Variants in CACNB2 observed in about 807,000 individuals in gnomAD.
The protein encoded by CACNB2 is calcium voltage-gated channel auxiliary subunit beta 2, also known as voltage-dependent L-type calcium channel subunit beta-2.
In CACNB2, 42 loss-of-function variants were observed where a neutral mutation model predicts 73.3. That is an observed-to-expected ratio of 0.57 (90% CI 0.45 to 0.74). The LOEUF (loss-of-function observed/expected upper bound fraction) is 0.74, where lower values mean the gene tolerates loss of function less well. Among genes scored for constraint, CACNB2 ranks in the 30% least tolerant of loss-of-function variants. The probability of loss-of-function intolerance (pLI) is 0.00; values close to 1 mark genes in which losing one functional copy is unlikely to be tolerated. For missense variants in CACNB2, 940 were observed against 853.0 expected (o/e 1.10, Z -1.27); for synonymous variants, 348 against 310.3 (o/e 1.12, Z -1.28).
In CACNB2 at chr10:18,398,714, C is replaced by CAA. The variant is rs1554809735; in HGVS notation, c.214-3209_214-3208dup. 6.9e-3 allele frequency among the ~76,000 whole-genome samples: 1,030 copies of CAA among 149,110 alleles called. 69 individuals carry two copies. The highest frequency in any genetic ancestry group is 0.042 in the East Asian group (206 of 4,856). On this transcript the variant is annotated intron_variant, in intron 2 of 13. Transcript: ENST00000324631. Reference sequence around the variant, plus strand: ...ACATACACACACACACACACACACACAATTGTTTTTGTGTGAAAGTATATA... The same window carrying CAA: ...ACATACACACACACACACACACACACAAAATTGTTTTTGTGTGAAAGTATATA...
At chr10:18,198,143 T>C (rs897983640) in intron 2 of CACNB2, among the ~76,000 whole-genome samples, 2 of 148,424 alleles carry the variant, frequency 1.3e-5, no homozygotes, top group East Asian at 3.9e-4. Context: ...TAATATATAT[T>C]ACATATCACA....
At chr10:18,493,474 T>G (rs906273969) in intron 3 of CACNB2, among the ~76,000 whole-genome samples, 1 of 152,168 alleles carries the variant, frequency 6.6e-6, no homozygotes. Flanking sequence ...CCAAGTACAC[T>G]GTTTTATATC....
intron 3 of CACNB2, among the ~76,000 whole-genome samples, chr10:18,421,228 ATT>A (rs11333043): frequency 2.0e-5 from 3 of 150,310 alleles, no homozygotes; most frequent in East Asian, 2.0e-4. Context: ...TGAAATACAT[ATT>A]TTTTTTTTTT....
Position 18,370,245 on chromosome 10 carries a change from C to T in CACNB2, c.214-31679C>T, listed in dbSNP as rs371097682. Among the ~76,000 whole-genome samples, 12 of 152,248 alleles carry T rather than the reference C, an allele frequency of 7.9e-5. No individual in the cohort carries two copies. The East Asian group carries it at 9.7e-4, about 12-fold the overall frequency. ...AATGTGCTCCCTGCACCAGGAGTGCCGGCATTACCGTGGAGCTTGTTAGGA... is the reference window on the plus strand; with the variant it reads ...AATGTGCTCCCTGCACCAGGAGTGCTGGCATTACCGTGGAGCTTGTTAGGA... On this transcript the variant is annotated intron_variant, in intron 2 of 13. Coordinates refer to ENST00000324631, the MANE Select transcript of CACNB2 (RefSeq NM_201596.3).
At chr10:18,226,655 C>T (rs1200532384) in intron 2 of CACNB2, among the ~76,000 whole-genome samples, 1 of 152,174 alleles carries the variant, frequency 6.6e-6, no homozygotes, top group Non-Finnish European at 1.5e-5. Flanking sequence ...TTAACTCAAT[C>T]AATATCAATT....
chr10:18,357,162 C>G (rs1314954735), intron 2 of CACNB2, among the ~76,000 whole-genome samples: 1 of 151,040 alleles, frequency 6.6e-6, no homozygotes, highest in East Asian at 2.0e-4. Flanking sequence ...CCAGGATGGT[C>G]TCGATCTCCT....
At chr10:18,164,305 C>T (rs753738246) in intron 2 of CACNB2, among the ~76,000 whole-genome samples, 10 of 152,130 alleles carry the variant, frequency 6.6e-5, no homozygotes, top group Non-Finnish European at 1.2e-4. Context: ...TTTTCCCTTG[C>T]GCAGAAGTGG....
chr10:18,265,316 A>G (rs2131615352), intron 2 of CACNB2, among the ~76,000 whole-genome samples: 1 of 152,128 alleles, frequency 6.6e-6, no homozygotes, highest in African/African-American at 2.4e-5. Flanking sequence ...TATTTTTGGT[A>G]GAGACGGGGT....
rs775467558 is a variant in CACNB2, at chr10:18,539,581, C to T, written c.1840C>T (p.Arg614Ter). Residue 614 changes from arginine to a stop codon, truncating the protein, a stop_gained, in exon 14 of 14, where the codon CGA becomes TGA. Coordinates refer to ENST00000324631, the MANE Select transcript of CACNB2 (RefSeq NM_201596.3). LOFTEE classifies it high-confidence loss of function. ...ESRHRSRDVDREQDHNECNKQ... is the reference protein window; with the variant it reads ...ESRHRSRDVD ...CCGGCACCGTTCCCGGGACGTGGAT[C>T]GAGAGCAGGACCACAACGAGTGCAA... 21 of 1,613,514 alleles carry T rather than the reference C, an allele frequency of 1.3e-5. No individual in the cohort carries two copies. The highest frequency in any genetic ancestry group is 5.5e-5 in the South Asian group (5 of 91,044).
rs571780023 is a variant in CACNB2 at position 18,504,780 on chromosome 10, G to A, written c.594-1691G>A. Among the ~76,000 whole-genome samples, 11 of 152,192 alleles carry A rather than the reference G, an allele frequency of 7.2e-5. No homozygotes were observed. In the South Asian group the frequency reaches 2.3e-3, roughly 32 times the overall value. On this transcript the variant is annotated intron_variant, in intron 5 of 13. Transcript: ENST00000324631. ...CTGCTTCAGCCTCCCAAGTAGCTGGGACTACAGGCATGCACCACCACGCCC... is the reference window on the plus strand; with the variant it reads ...CTGCTTCAGCCTCCCAAGTAGCTGGAACTACAGGCATGCACCACCACGCCC...
intron 2 of CACNB2, among the ~76,000 whole-genome samples, chr10:18,336,198 G>T (rs1255201624): frequency 1.3e-5 from 2 of 152,182 alleles, no homozygotes; most frequent in East Asian, 3.8e-4. Flanking sequence ...GAGCCAGCAT[G>T]GTTAAGCCAG....
At chr10:18,492,157 A>C (rs1322317866) in intron 3 of CACNB2, among the ~76,000 whole-genome samples, 1 of 152,146 alleles carries the variant, frequency 6.6e-6, no homozygotes, top group Non-Finnish European at 1.5e-5. Flanking sequence ...ACCAGATCTT[A>C]TGAGAAGTCT....
chr10:18,506,385 T>A, intron 5 of CACNB2, 86 bp from the exon 6 acceptor site: 1 of 764,794 alleles, frequency 1.3e-6, no homozygotes, highest in South Asian at 1.4e-5. Flanking sequence ...AATAAAACCA[T>A]AATGAATTAT....
chr10:18,291,233 G>T (rs754719410), intron 2 of CACNB2, among the ~76,000 whole-genome samples: 1 of 152,170 alleles, frequency 6.6e-6, no homozygotes, highest in Middle Eastern at 3.2e-3. Flanking sequence ...CTCCTAAAAT[G>T]GATGCCAACA....
chr10:18,240,320 G>T (rs1564369384), intron 2 of CACNB2, among the ~76,000 whole-genome samples: 1 of 152,080 alleles, frequency 6.6e-6, no homozygotes, highest in Admixed American at 6.6e-5. Flanking sequence ...TTTTCTTCCT[G>T]TATAAAACTT....
At chr10:18,150,028 T>G (rs1429711435) in intron 1 of CACNB2, among the ~76,000 whole-genome samples, 1 of 152,362 alleles carries the variant, frequency 6.6e-6, no homozygotes, top group African/African-American at 2.4e-5. Context: ...ACCTGTGTGC[T>G]ACATTTAACT....
At chr10:18,175,553 C>G (rs567498851) in intron 2 of CACNB2, among the ~76,000 whole-genome samples, 38 of 152,178 alleles carry the variant, frequency 2.5e-4, no homozygotes, top group Non-Finnish European at 4.7e-4. Flanking sequence ...CACACACCCA[C>G]TGCCAGGGAT....
At chr10:18,348,189 T>C (rs1341407336) in intron 2 of CACNB2, among the ~76,000 whole-genome samples, 3 of 152,220 alleles carry the variant, frequency 2.0e-5, no homozygotes, top group Non-Finnish European at 2.9e-5. Context: ...TTTGCAACGA[T>C]GTACATTTTG....
At chr10:18,392,431 C>A (rs2043521919) in intron 2 of CACNB2, among the ~76,000 whole-genome samples, 1 of 151,902 alleles carries the variant, frequency 6.6e-6, no homozygotes, top group South Asian at 2.1e-4. Flanking sequence ...TCATTGATGA[C>A]CTTGATGAAC....
Sources: gnomAD v4.1 joint callset for allele counts (sites outside exome capture counted in the v4.1 genomes callset) on GRCh38, gnomAD v4.1.1 for gene constraint, MANE v1.5 for transcripts, NCBI Gene and HGNC (gene_info 2026-07-23, HGNC 2026-07-21) for gene names.